MIDN: variants seen among roughly 807,000 people sequenced by gnomAD.
MIDN encodes the protein midbrain nucleolar protein.
A neutral mutation model predicts 46.1 loss-of-function variants in MIDN; 26 were observed. The observed-to-expected ratio is 0.56, with a 90% CI of 0.41 to 0.78. MIDN has a LOEUF of 0.78. MIDN is among the 30% of genes least tolerant of loss of function. The pLI, the probability that MIDN is intolerant of heterozygous loss-of-function variation, is 0.00. For synonymous variants in MIDN, 432 were observed against 343.3 expected, an observed-to-expected ratio of 1.26 and a Z score of -2.86; for missense variants, 850 against 771.8, an observed-to-expected ratio of 1.10 and a Z score of -1.20.
rs1035267831 is a variant in MIDN at position 1,257,094 on chromosome 19, G to A, written c.1358G>A (p.Arg453Gln). Residue 453 changes from arginine (R) to glutamine (Q), a missense_variant, in exon 9 of 9, where the codon CGG becomes CAG. Physicochemically the swap from Arg to Gln is conservative, Grantham distance 43. Transcript: ENST00000682408. ...AAACGGCTCCGTAGAAAGGCCCGGC[G>A]GGACGCGCGGGGTCCGTACCACTGG... ...QQKRLRRKAR[R>Q]DARGPYHWSP... The A allele has an allele frequency of 6.8e-6, 11 of 1,611,904 alleles. No homozygotes were observed. Among genetic ancestry groups the A allele is most frequent in the Non-Finnish European group, 9.3e-6 (11 of 1,179,712 alleles).
At chr19:1,253,780 G>A (rs1170785778) in intron 4 of MIDN, 174 bp from the exon 5 acceptor site, 5 of 364,124 alleles carry the variant, frequency 1.4e-5, no homozygotes, top group Non-Finnish European at 2.3e-5. Context: ...CGTATCCACA[G>A]GCAGAGAGGA....
At chr19:1,251,968 G>C (rs1341712764) in intron 4 of MIDN, 67 bp downstream of exon 4, 1 of 1,381,566 alleles carries the variant, frequency 7.2e-7, no homozygotes, top group African/African-American at 1.4e-5. Context: ...CCACCGACGG[G>C]GCCTGGGGGT....
At chr19:1,253,321 C>T (rs2081156172) in intron 4 of MIDN, among the ~76,000 whole-genome samples, 2 of 152,158 alleles carry the variant, frequency 1.3e-5, no homozygotes, top group South Asian at 2.1e-4. Context: ...GAGAAGGTTA[C>T]GCCAGCTACT....
Position 1,255,637 on chromosome 19 carries a change from GC to G in MIDN, c.1206del (p.Ser403GlnfsTer165). The G allele has an allele frequency of 6.2e-7, 1 of 1,604,578 alleles. No homozygotes were observed. On this transcript the variant is annotated frameshift_variant, in exon 8 of 9. Coordinates refer to ENST00000682408, the MANE Select transcript of MIDN (RefSeq NM_001388306.1). LOFTEE classifies it high-confidence loss of function. ...TACCTCCTGCGAGAAGCTCACGGCT[GC>G]CCCCTCAGCCTCCCTGCTGCAGGGC... ...RTTSCEKLTA[A>X]PSASLLQGQS...
chr19:1,255,678 C>T lies in MIDN; in HGVS notation c.1242C>T (p.Arg414=), dbSNP rs1309401957. Residue 414 remains arginine, a synonymous_variant, in exon 8 of 9, where the codon CGC becomes CGT. Coordinates refer to ENST00000682408, the MANE Select transcript of MIDN (RefSeq NM_001388306.1). ...TGCTGCAGGGCCAGAGCCAGATCCG[C>T]ATGTGCAAGCCCCCGGGTGAGTGGC... ...ASLLQGQSQI[R]MCKPPGDRLR... is the part of the protein sequence containing the mutation. The T allele has an allele frequency of 5.0e-6, 8 of 1,590,050 alleles. No homozygotes were observed. Among genetic ancestry groups the T allele is most frequent in the African/African-American group, 1.3e-5 (1 of 74,650 alleles).
Position 1,250,542 on chromosome 19 carries a change from CG to C in MIDN, c.233+14del, listed in dbSNP as rs1376126410. On this transcript the variant is annotated intron_variant, in intron 2 of 8. Coordinates refer to ENST00000682408, the MANE Select transcript of MIDN (RefSeq NM_001388306.1). ...TCCACAAAGACACGTAGGTACCGCG[CG>C]CCCCCGGCCGGCCGCCCCCTCGGGC... 19 of 1,191,330 alleles carry C rather than the reference CG, an allele frequency of 1.6e-5. No individual in the cohort carries two copies. The highest frequency in any genetic ancestry group is 1.8e-5 in the Non-Finnish European group (17 of 941,914). 73.8% of individuals were successfully genotyped at this position (1,191,330 alleles called of 1,614,324 possible). A position where few individuals can be genotyped will look rare whatever the true frequency, so the allele number is the denominator to read the frequency against.
intron 4 of MIDN, among the ~76,000 whole-genome samples, chr19:1,252,484 A>G (rs2081143456): frequency 6.6e-6 from 1 of 150,974 alleles, no homozygotes; most frequent in Non-Finnish European, 1.5e-5. Context: ...GAAAATATTT[A>G]GTAAGCGGCC....
rs1346280581 is a variant in MIDN, at chr19:1,258,792, CAAAAAAAAAA to C, written c.*1521_*1530del. 4 of 121,534 alleles carry C rather than the reference CAAAAAAAAAA, an allele frequency of 3.3e-5. No homozygotes were observed. Among genetic ancestry groups the C allele is most frequent in the South Asian group, 2.5e-4 (1 of 3,922 alleles). The allele number at this position is 121,534 out of a possible 1,614,324, so 7.5% of individuals were successfully genotyped here. A position where few individuals can be genotyped will look rare whatever the true frequency, so the allele number is the denominator to read the frequency against. On this transcript the variant is annotated 3_prime_UTR_variant, in exon 9 of 9. Coordinates refer to ENST00000682408, the MANE Select transcript of MIDN (RefSeq NM_001388306.1). Reference sequence around the variant, plus strand: ...GGGTTTTGTTTTGTTTTCATTTTTCCAAAAAAAAAAGAAAAAAAAATAGAAAAAAAAGGAG... The same window carrying C: ...GGGTTTTGTTTTGTTTTCATTTTTCCGAAAAAAAAATAGAAAAAAAAGGAG...
rs756283647 is a variant in MIDN at position 1,257,262 on chromosome 19, T to C, written c.1526T>C (p.Val509Ala). 1 of 1,611,982 alleles carries C rather than the reference T, an allele frequency of 6.2e-7. No homozygotes were observed. The change falls in exon 9 of 9, where the codon GTG (valine) becomes GCG (alanine). Residue 509 changes from valine (V) to alanine (A), a missense_variant. By Grantham distance (64) the Val-to-Ala change is moderately conservative. Transcript: ENST00000682408. ...AACCCTGACATCAAGTCAGAGTTCGTGGTGGCTTAGGATCTTCGGATCGGC... is the reference window on the plus strand; with the variant it reads ...AACCCTGACATCAAGTCAGAGTTCGCGGTGGCTTAGGATCTTCGGATCGGC... ...EVNPDIKSEFVVA is the reference protein window; with the variant it reads ...EVNPDIKSEFAVA
rs1305151140 is a variant in MIDN, at chr19:1,254,314, G to A, written c.661G>A (p.Ala221Thr). ...VLAAAAAAAAARGDPSIASPV... is the reference protein window; with the variant it reads ...VLAAAAAAAATRGDPSIASPV... ...GGCCGCTGCGGCCGCCGCCGCTGCTGCGCGGGGGGACCCCAGCATAGCCTC... is the reference window on the plus strand; with the variant it reads ...GGCCGCTGCGGCCGCCGCCGCTGCTACGCGGGGGGACCCCAGCATAGCCTC... The change falls in exon 6 of 9, where the codon GCG becomes ACG. Residue 221 changes from alanine (A) to threonine (T), a missense_variant. Transcript: ENST00000682408. 6.4e-7 allele frequency: 1 copy of A among 1,571,142 alleles called. No individual in the cohort carries two copies. The highest frequency in any genetic ancestry group is 8.6e-7 in the Non-Finnish European group (1 of 1,165,660).
Position 1,257,855 on chromosome 19 carries a change from C to G in MIDN, c.*583C>G, listed in dbSNP as rs2081220285. The G allele has an allele frequency of 6.5e-6, 1 of 152,790 alleles. No homozygotes were observed. The highest frequency in any genetic ancestry group is 2.0e-4 in the South Asian group (1 of 4,944). 9.5% of individuals were successfully genotyped at this position (152,790 alleles called of 1,614,324 possible). On this transcript the variant is annotated 3_prime_UTR_variant, in exon 9 of 9. Transcript: ENST00000682408. ...ACAGCAAGCCAACAGGTCACAGAAGCCAACGAGGGGACTGTTTCTCTTCCA... is the reference window on the plus strand; with the variant it reads ...ACAGCAAGCCAACAGGTCACAGAAGGCAACGAGGGGACTGTTTCTCTTCCA...
At chr19:1,251,296 C>T in intron 2 of MIDN, 1 of 486,210 alleles carries the variant, frequency 2.1e-6, no homozygotes, top group Non-Finnish European at 3.6e-6. Flanking sequence ...GGAGAAAGTG[C>T]CTGGTTGGGG....
In MIDN at chr19:1,255,065, G is replaced by A; in HGVS notation, c.985+4G>A. 1 of 1,611,212 alleles carries A rather than the reference G, an allele frequency of 6.2e-7. No individual in the cohort carries two copies. Among genetic ancestry groups the A allele is most frequent in the Non-Finnish European group, 8.5e-7 (1 of 1,178,374 alleles). ...GTCTTCTCAGGGACCTTCTCTGGTAGGTGTCACAGCACATGTGTGAGCTCA... is the reference window on the plus strand; with the variant it reads ...GTCTTCTCAGGGACCTTCTCTGGTAAGTGTCACAGCACATGTGTGAGCTCA... On this transcript the variant is annotated splice_donor_region_variant and intron_variant, in intron 7 of 8. Transcript: ENST00000682408.
At chr19:1,252,815 G>A (rs1035193856) in intron 4 of MIDN, among the ~76,000 whole-genome samples, 6 of 152,218 alleles carry the variant, frequency 3.9e-5, no homozygotes, top group South Asian at 2.1e-4. Context: ...GGCGGGGGCC[G>A]GGAGCTGGGT....
chr19:1,255,551 A>T lies in MIDN; in HGVS notation c.1115A>T (p.Gln372Leu). 1 of 1,611,872 alleles carries T rather than the reference A, an allele frequency of 6.2e-7. No homozygotes were observed. Among genetic ancestry groups the T allele is most frequent in the Non-Finnish European group, 8.5e-7 (1 of 1,179,574 alleles). ...HYQGMPPSLA[Q>L]LRCHAQCSPA... ...CAGGGCATGCCCCCTTCGCTGGCCC[A>T]GCTCCGCTGCCACGCCCAGTGCTCC... is the stretch of plus-strand genomic sequence containing the variant. The change falls in exon 8 of 9, where the codon CAG (glutamine) becomes CTG (leucine). Residue 372 changes from glutamine to leucine, a missense_variant. Coordinates refer to ENST00000682408, the MANE Select transcript of MIDN (RefSeq NM_001388306.1).
chr19:1,252,119 C>A (rs113527956), intron 4 of MIDN, among the ~76,000 whole-genome samples: 5 of 152,246 alleles, frequency 3.3e-5, no homozygotes, highest in African/African-American at 1.2e-4. Flanking sequence ...GGTGGCTGCC[C>A]TGGGGGAAGG....
intron 4 of MIDN, among the ~76,000 whole-genome samples, chr19:1,253,425 C>G (rs77257696): frequency 2.0e-5 from 3 of 150,320 alleles, no homozygotes; most frequent in East Asian, 1.9e-4. Context: ...TCCGCCACCC[C>G]CCCCCCCATC....
At chr19:1,251,966 G>T in intron 4 of MIDN, 65 bp downstream of exon 4, 1 of 1,378,750 alleles carries the variant, frequency 7.3e-7, no homozygotes, top group South Asian at 1.2e-5. Flanking sequence ...GGCCACCGAC[G>T]GGGCCTGGGG....
chr19:1,251,784 T>C, intron 3 of MIDN, 55 bp from the exon 4 acceptor site: 1 of 1,578,514 alleles, frequency 6.3e-7, no homozygotes, highest in Middle Eastern at 1.7e-4. Context: ...CACCCCCTAT[T>C]CCAGCCCAGG....
Sources: allele counts gnomAD v4.1 joint callset (sites outside exome capture counted in the v4.1 genomes callset), GRCh38; gene constraint gnomAD v4.1.1; transcripts MANE v1.5; gene names NCBI Gene and HGNC (gene_info 2026-07-23, HGNC 2026-07-21).